The following RUNDC3B variants were observed in gnomAD, a reference collection of about 807,000 sequenced individuals.
RUNDC3B encodes RUN domain-containing protein 3B.
In RUNDC3B, 33 loss-of-function variants were observed where a neutral mutation model predicts 58.4. That is an observed-to-expected ratio of 0.56 (90% CI 0.43 to 0.75). The LOEUF (loss-of-function observed/expected upper bound fraction) is 0.75, where lower values mean the gene tolerates loss of function less well. Among genes scored for constraint, RUNDC3B ranks in the 30% least tolerant of loss-of-function variants. The pLI, the probability that RUNDC3B is intolerant of heterozygous loss-of-function variation, is 0.00. For synonymous variants in RUNDC3B, 193 were observed against 195.2 expected, an observed-to-expected ratio of 0.99 and a Z score of 0.10; for missense variants, 501 against 535.7, an observed-to-expected ratio of 0.94 and a Z score of 0.64.
chr7:87,673,612 C>T (rs900644991), intron 2 of RUNDC3B, among the ~76,000 whole-genome samples: 3 of 152,144 alleles, frequency 2.0e-5, no homozygotes, highest in Non-Finnish European at 4.4e-5. Flanking sequence ...CTTCTGTATC[C>T]GTTTGTCATA....
chr7:87,765,841 A>AT (rs895593557), intron 6 of RUNDC3B, among the ~76,000 whole-genome samples: 257 of 149,294 alleles, frequency 1.7e-3, no homozygotes, highest in African/African-American at 5.2e-3. Flanking sequence ...AGTCCAGAGT[A>AT]TTTTTTTTTT....
intron 8 of RUNDC3B, among the ~76,000 whole-genome samples, chr7:87,807,158 T>A (rs994211481): frequency 1.3e-4 from 20 of 152,182 alleles, no homozygotes; most frequent in African/African-American, 3.6e-4. Context: ...TCACAAGTAG[T>A]GATTTGTTGT....
At chr7:87,773,326 A>C (rs981938417) in intron 7 of RUNDC3B, among the ~76,000 whole-genome samples, 2 of 150,924 alleles carry the variant, frequency 1.3e-5, no homozygotes, top group Non-Finnish European at 3.0e-5. Flanking sequence ...CCGTCTCAAA[A>C]AAAAAAAAAA....
chr7:87,802,822 T>G (rs983533933), intron 8 of RUNDC3B, among the ~76,000 whole-genome samples: 1 of 151,994 alleles, frequency 6.6e-6, no homozygotes, highest in Non-Finnish European at 1.5e-5. Context: ...CTGGGCAACA[T>G]AGGGAGACCC....
At chr7:87,710,719 A>G in intron 4 of RUNDC3B, 64 bp downstream of exon 4, 1 of 875,004 alleles carries the variant, frequency 1.1e-6, no homozygotes, top group South Asian at 1.6e-5. Flanking sequence ...CTCAGAAATC[A>G]GAATAGGATG....
intron 6 of RUNDC3B, among the ~76,000 whole-genome samples, chr7:87,748,792 G>A (rs956939089): frequency 6.6e-6 from 1 of 152,090 alleles, no homozygotes; most frequent in South Asian, 2.1e-4. Context: ...AAGCTGAGGA[G>A]GGAAGGTATT....
chr7:87,751,217 C>T (rs1312946027), intron 6 of RUNDC3B, among the ~76,000 whole-genome samples: 1 of 152,184 alleles, frequency 6.6e-6, no homozygotes, highest in Non-Finnish European at 1.5e-5. Context: ...TCTGAGGGCT[C>T]TGTTCTGTTC....
At chr7:87,705,538 G>A (rs1829506549) in intron 3 of RUNDC3B, among the ~76,000 whole-genome samples, 1 of 152,154 alleles carries the variant, frequency 6.6e-6, no homozygotes, top group Admixed American at 6.5e-5. Context: ...CCTAACAATA[G>A]AATAAAATAT....
At chr7:87,746,106 G>A (rs1414619868) in intron 6 of RUNDC3B, among the ~76,000 whole-genome samples, 1 of 152,136 alleles carries the variant, frequency 6.6e-6, no homozygotes, top group Non-Finnish European at 1.5e-5. Context: ...TACTTGCATG[G>A]TTTTGAAGGT....
rs544013662 is a variant in RUNDC3B at position 87,635,679 on chromosome 7, A to G, written c.122+6734A>G. ...ATACGTAGCATAACTATGCAGCTCA[A>G]TTCATTTTTGTGGTAGGGCACAATG... On this transcript the variant is annotated intron_variant, in intron 1 of 10. Coordinates refer to ENST00000394654, the MANE Select transcript of RUNDC3B (RefSeq NM_001134405.2). Among the ~76,000 whole-genome samples, 48 of 152,288 alleles carry G rather than the reference A, an allele frequency of 3.2e-4. 2 individuals are homozygous for G. The South Asian group carries it at 8.9e-3, about 28-fold the overall frequency.
At chr7:87,819,351 T>C (rs1260971319) in intron 10 of RUNDC3B, among the ~76,000 whole-genome samples, 1 of 152,012 alleles carries the variant, frequency 6.6e-6, no homozygotes, top group Non-Finnish European at 1.5e-5. Flanking sequence ...CCTAAATATA[T>C]ATGCACCCAA....
At chr7:87,683,577 CT>C (rs1244404337) in intron 2 of RUNDC3B, among the ~76,000 whole-genome samples, 1 of 152,170 alleles carries the variant, frequency 6.6e-6, no homozygotes, top group African/African-American at 2.4e-5. Flanking sequence ...TGGCCGGTAG[CT>C]GGAGCATTCA....
intron 8 of RUNDC3B, among the ~76,000 whole-genome samples, chr7:87,800,653 C>CTTTTCT (rs1554494661): frequency 7.3e-6 from 1 of 137,606 alleles, no homozygotes; most frequent in Non-Finnish European, 1.6e-5. Flanking sequence ...CTTTTCTTTT[C>CTTTTCT]TTTTTTTTTT....
intron 2 of RUNDC3B, among the ~76,000 whole-genome samples, chr7:87,689,142 TTAAA>T (rs1329998994): frequency 1.3e-5 from 2 of 152,006 alleles, no homozygotes; most frequent in African/African-American, 4.8e-5. Context: ...ATGAAAAGAG[TTAAA>T]TAAATTCTAT....
chr7:87,739,738 C>A, intron 4 of RUNDC3B, 53 bp from the exon 5 acceptor site: 2 of 821,030 alleles, frequency 2.4e-6, no homozygotes, highest in South Asian at 3.5e-5. Context: ...TTCTCTCGAT[C>A]AAACTTCCAT....
At chr7:87,774,113 A>G (rs947019715) in intron 7 of RUNDC3B, among the ~76,000 whole-genome samples, 1 of 152,224 alleles carries the variant, frequency 6.6e-6, no homozygotes, top group African/African-American at 2.4e-5. Context: ...TTAGATATCA[A>G]TACAAACAGT....
At chr7:87,758,465 A>T (rs2130848650) in intron 6 of RUNDC3B, among the ~76,000 whole-genome samples, 1 of 152,342 alleles carries the variant, frequency 6.6e-6, no homozygotes, top group South Asian at 2.1e-4. Context: ...CAAAGCAAAA[A>T]TGGACAAATG....
At chr7:87,812,635 T>C (rs986533089) in intron 9 of RUNDC3B, among the ~76,000 whole-genome samples, 3 of 152,130 alleles carry the variant, frequency 2.0e-5, no homozygotes, top group Non-Finnish European at 4.4e-5. Context: ...AAATAAATAT[T>C]ATATTTAACA....
intron 8 of RUNDC3B, among the ~76,000 whole-genome samples, chr7:87,783,634 A>G (rs1835056466): frequency 1.3e-5 from 2 of 152,064 alleles, no homozygotes; most frequent in South Asian, 2.1e-4. Context: ...GTGGTAGTAC[A>G]TATTGTTATT....
Sources: allele counts gnomAD v4.1 joint callset (sites outside exome capture counted in the v4.1 genomes callset), GRCh38; gene constraint gnomAD v4.1.1; transcripts MANE v1.5; gene names NCBI Gene and HGNC (gene_info 2026-07-23, HGNC 2026-07-21).